Variants in ANKRD11 observed in about 807,000 individuals in gnomAD.
The protein encoded by ANKRD11 is ankyrin repeat domain-containing protein 11.
A neutral mutation model predicts 195.7 loss-of-function variants in ANKRD11; 17 were observed. That is an observed-to-expected ratio of 0.09 (90% CI 0.06 to 0.13). The LOEUF is 0.13. Ranked by LOEUF, ANKRD11 falls within the 10% of genes least tolerant of loss-of-function variation. The pLI, the probability that ANKRD11 is intolerant of heterozygous loss-of-function variation, is 1.00. For missense variants in ANKRD11, 3,735 were observed against 3,566.1 expected (o/e 1.05, Z -1.21); for synonymous variants, 1,953 against 1,528.1 (o/e 1.28, Z -6.49).
intron 2 of ANKRD11, among the ~76,000 whole-genome samples, chr16:89,377,921 G>T (rs572844637): frequency 6.6e-6 from 1 of 152,008 alleles, no homozygotes; most frequent in African/African-American, 2.4e-5. Context: ...GAAATGATGA[G>T]GATGAAGACC....
rs2151761926 is a variant in ANKRD11, at chr16:89,284,576, T to C, written c.1966A>G (p.Ser656Gly). The C allele has an allele frequency of 6.2e-7, 1 of 1,614,206 alleles. No homozygotes were observed. The highest frequency in any genetic ancestry group is 8.5e-7 in the Non-Finnish European group (1 of 1,180,038). Residue 656 changes from serine to glycine, a missense_variant, in exon 9 of 13, where the codon AGT (serine) becomes GGT (glycine). Transcript: ENST00000301030. ...CSISQELKLK[S>G]FTYEYEDSKQ... is the part of the protein sequence containing the mutation. ...GAGTCCTCATATTCGTAAGTAAAAC[T>C]TTTCAACTTCAGCTCTTGGCTGATG...
intron 12 of ANKRD11, chr16:89,270,170 C>G (rs1365488568): frequency 2.5e-5 from 4 of 160,996 alleles, no homozygotes; most frequent in Admixed American, 2.3e-4. Context: ...GCTGGTGGTT[C>G]TCATCTGTGC....
At chr16:89,409,333 C>T (rs111465641) in intron 2 of ANKRD11, among the ~76,000 whole-genome samples, 36 of 152,344 alleles carry the variant, frequency 2.4e-4, no homozygotes, top group African/African-American at 7.9e-4. Flanking sequence ...GCCACCAACA[C>T]AACTCTGTTC....
At chr16:89,313,450 C>G in intron 3 of ANKRD11, 1 of 1,289,204 alleles carries the variant, frequency 7.8e-7, no homozygotes. Flanking sequence ...GACACGCCTG[C>G]CACTGTGCTC....
In ANKRD11 at chr16:89,280,380, A is replaced by G. The variant is rs1428684259; in HGVS notation, c.6162T>C (p.Ala2054=). 1.3e-6 allele frequency: 2 copies of G among 1,562,076 alleles called. No homozygotes were observed. Among genetic ancestry groups the G allele is most frequent in the East Asian group, 2.3e-5 (1 of 44,298 alleles). Residue 2054 remains alanine, a synonymous_variant, in exon 9 of 13, where the codon GCT becomes GCC. Transcript: ENST00000301030. The stretch of plus-strand genomic sequence containing the variant: ...CCAGCCCGGAGGGAGGGGCGTAGGG[A>G]GCCGCCTCTGAGGTGGAGATGGCGG... The part of the protein sequence containing the change: ...VPAAISTSEA[A]PYAPPSGLES...
At chr16:89,398,978 C>T (rs1393521025) in intron 2 of ANKRD11, among the ~76,000 whole-genome samples, 2 of 152,164 alleles carry the variant, frequency 1.3e-5, no homozygotes, top group Admixed American at 6.5e-5. Flanking sequence ...CCCTCTCTCC[C>T]ATCAGCATCA....
intron 1 of ANKRD11, among the ~76,000 whole-genome samples, chr16:89,420,990 A>T (rs2042486753): frequency 6.6e-6 from 1 of 152,264 alleles, no homozygotes; most frequent in Admixed American, 6.5e-5. Flanking sequence ...GCCTACAGCA[A>T]CTCAGGAATC....
chr16:89,305,690 C>T (rs62070786), intron 3 of ANKRD11, among the ~76,000 whole-genome samples: 234 of 16,488 alleles, frequency 0.014, 7 homozygotes, highest in African/African-American at 0.049. Context: ...AGACACGCGC[C>T]ACCTCCCACT....
intron 1 of ANKRD11, among the ~76,000 whole-genome samples, chr16:89,463,253 A>AT (rs1041042895): frequency 2.0e-5 from 3 of 152,218 alleles, no homozygotes; most frequent in African/African-American, 7.2e-5. Flanking sequence ...TGGGGAAAAG[A>AT]TTGAGAAATC....
chr16:89,290,787 G>C lies in ANKRD11; in HGVS notation c.439C>G (p.Gln147Glu). Residue 147 changes from glutamine (Q) to glutamate (E), a missense_variant, in exon 6 of 13, where the codon CAG becomes GAG. Coordinates refer to ENST00000301030, the MANE Select transcript of ANKRD11 (RefSeq NM_013275.6). ...GAGGCAGAGTTGGGCGTTCCCTTCT[G>C]ACACACTGTAGACTGGGAGGGGTGC... ...PKHPSQSTVC[Q>E]KGTPNSASKT... The C allele has an allele frequency of 6.2e-7, 1 of 1,614,064 alleles. No individual in the cohort carries two copies. The highest frequency in any genetic ancestry group is 8.5e-7 in the Non-Finnish European group (1 of 1,180,010).
chr16:89,286,599 G>C (rs1697374057), intron 7 of ANKRD11: 1 of 1,133,192 alleles, frequency 8.8e-7, no homozygotes, highest in Non-Finnish European at 1.1e-6. Context: ...CAGGCAAGAG[G>C]TTAGGGAGAA....
At chr16:89,415,942 G>T (rs1306702555) in intron 2 of ANKRD11, among the ~76,000 whole-genome samples, 1 of 151,286 alleles carries the variant, frequency 6.6e-6, no homozygotes, top group Admixed American at 6.6e-5. Context: ...CCCAACCTCT[G>T]CTCAGCAGGG....
At chr16:89,450,981 C>T (rs930763496) in intron 1 of ANKRD11, among the ~76,000 whole-genome samples, 6 of 152,084 alleles carry the variant, frequency 3.9e-5, no homozygotes, top group African/African-American at 1.2e-4. Context: ...CAGAGGTGAT[C>T]GGGGTGATCA....
chr16:89,342,335 C>A (rs985532444), intron 2 of ANKRD11, among the ~76,000 whole-genome samples: 1 of 152,256 alleles, frequency 6.6e-6, no homozygotes, highest in African/African-American at 2.4e-5. Context: ...TTGAAGGATG[C>A]AGCCCATTTC....
chr16:89,464,999 A>G (rs1189594326), intron 1 of ANKRD11, among the ~76,000 whole-genome samples: 1 of 152,260 alleles, frequency 6.6e-6, no homozygotes, highest in Non-Finnish European at 1.5e-5. Context: ...AATGAGGTTT[A>G]TATTTATACC....
intron 2 of ANKRD11, among the ~76,000 whole-genome samples, chr16:89,415,234 G>A (rs1235219980): frequency 2.0e-5 from 3 of 150,470 alleles, no homozygotes; most frequent in Non-Finnish European, 4.4e-5. Flanking sequence ...GATTACAGGT[G>A]GGAGCCACTG....
In ANKRD11 at chr16:89,384,879, C is replaced by CTTTTTTTTTTTTTTTTTTTTTTTTTTTTT. The variant is rs869271846; in HGVS notation, c.-60+33404_-60+33405insAAAAAAAAAAAAAAAAAAAAAAAAAAAAA. Among the ~76,000 whole-genome samples, 12 of 49,942 alleles carry CTTTTTTTTTTTTTTTTTTTTTTTTTTTTT rather than the reference C, an allele frequency of 2.4e-4. 2 individuals carry two copies. Among genetic ancestry groups the CTTTTTTTTTTTTTTTTTTTTTTTTTTTTT allele is most frequent in the Admixed American group, 3.6e-4 (1 of 2,780 alleles). The allele number at this position is 49,942 out of a possible 152,430, so 32.8% of individuals were successfully genotyped here. A position where few individuals can be genotyped will look rare whatever the true frequency, so the allele number is the denominator to read the frequency against. ...GGAGCACACAATGAGAAATAGTTTT[C>CTTTTTTTTTTTTTTTTTTTTTTTTTTTTT]TTTTTTTTTTTTTTTTTTTTTTTTT... On this transcript the variant is annotated intron_variant, in intron 2 of 12. Coordinates refer to ENST00000301030, the MANE Select transcript of ANKRD11 (RefSeq NM_013275.6).
chr16:89,455,580 G>A (rs1467008764), intron 1 of ANKRD11, among the ~76,000 whole-genome samples: 1 of 152,024 alleles, frequency 6.6e-6, no homozygotes, highest in African/African-American at 2.4e-5. Context: ...TCAGAACTGT[G>A]GAGTCTAATA....
Position 89,283,361 on chromosome 16 carries a change from C to G in ANKRD11, c.3181G>C (p.Asp1061His). The G allele has an allele frequency of 6.2e-7, 1 of 1,613,678 alleles. No individual in the cohort carries two copies. The highest frequency in any genetic ancestry group is 8.5e-7 in the Non-Finnish European group (1 of 1,179,996). ...EFDKCFKEKKDTKEKHKDTHG... is the reference protein window; with the variant it reads ...EFDKCFKEKKHTKEKHKDTHG... ...GTGTCTTTATGTTTTTCCTTGGTAT[C>G]TTTTTTCTCTTTAAAACATTTATCA... Residue 1061 changes from aspartate (D) to histidine (H), a missense_variant, in exon 9 of 13, where the codon GAT (aspartate) becomes CAT (histidine). Physicochemically the swap from Asp to His is moderately conservative, Grantham distance 81. Transcript: ENST00000301030. The surrounding 1 kb of genome is among the most constrained non-coding windows in gnomAD (Gnocchi z 4.3).
Sources: allele counts gnomAD v4.1 joint callset (sites outside exome capture counted in the v4.1 genomes callset), GRCh38; gene constraint gnomAD v4.1.1; non-coding constraint Gnocchi (gnomAD v3.1); transcripts MANE v1.5; gene names NCBI Gene and HGNC (gene_info 2026-07-23, HGNC 2026-07-21).